Variants in NPEPPS observed in about 807,000 individuals in gnomAD.
NPEPPS encodes aminopeptidase puromycin sensitive.
NPEPPS carries 14 observed loss-of-function variants against 115.5 expected under a neutral mutation model. The ratio of observed to expected loss-of-function variants is 0.12; its 90% confidence interval spans 0.08 to 0.19. The LOEUF (loss-of-function observed/expected upper bound fraction) is 0.19, where lower values mean the gene tolerates loss of function less well. Ranked by LOEUF, NPEPPS falls within the 10% of genes least tolerant of loss-of-function variation. The pLI, the probability that NPEPPS is intolerant of heterozygous loss-of-function variation, is 1.00. For missense variants in NPEPPS, 523 were observed against 1,110.8 expected, an observed-to-expected ratio of 0.47 and a Z score of 7.52; for synonymous variants, 285 against 390.6, an observed-to-expected ratio of 0.73 and a Z score of 3.19.
At chr17:47,562,630 G>A (rs1020013984) in intron 2 of NPEPPS, among the ~76,000 whole-genome samples, 7 of 150,824 alleles carry the variant, frequency 4.6e-5, no homozygotes, top group African/African-American at 1.7e-4. Context: ...GTGTGTGTGT[G>A]TGTATATGTG....
At chr17:47,611,376 T>G (rs752309709) in intron 17 of NPEPPS, among the ~76,000 whole-genome samples, 1 of 151,572 alleles carries the variant, frequency 6.6e-6, no homozygotes, top group Non-Finnish European at 1.5e-5. Flanking sequence ...AGAGAATTGC[T>G]TGAACCTGGG....
At chr17:47,596,652 ACTTG>A (rs755044757) in intron 13 of NPEPPS, among the ~76,000 whole-genome samples, 190 bp downstream of exon 13, 8 of 152,268 alleles carry the variant, frequency 5.3e-5, no homozygotes, top group Non-Finnish European at 7.3e-5. Context: ...ACAAAATGTT[ACTTG>A]CTTGTCTAGT....
chr17:47,548,633 G>A (rs1331037247), intron 2 of NPEPPS, among the ~76,000 whole-genome samples: 5 of 128,846 alleles, frequency 3.9e-5, no homozygotes, highest in East Asian at 4.7e-4. Flanking sequence ...TCGCTCTGTC[G>A]CCAAACGATC....
chr17:47,553,997 G>T (rs1409220291), intron 2 of NPEPPS, among the ~76,000 whole-genome samples: 1 of 150,672 alleles, frequency 6.6e-6, no homozygotes, highest in Non-Finnish European at 1.5e-5. Flanking sequence ...TGATCTGCCC[G>T]CCTCGGCCTC....
chr17:47,558,869 C>T (rs1213120915), intron 2 of NPEPPS, among the ~76,000 whole-genome samples: 1 of 151,990 alleles, frequency 6.6e-6, no homozygotes, highest in Non-Finnish European at 1.5e-5. Flanking sequence ...CCTGTCTCTA[C>T]TAAAAATACA....
At chr17:47,570,724 T>G (rs572611698) in intron 3 of NPEPPS, among the ~76,000 whole-genome samples, 1 of 152,274 alleles carries the variant, frequency 6.6e-6, no homozygotes, top group South Asian at 2.1e-4. Flanking sequence ...AGGAAGAAAA[T>G]GTAAATGACT....
intron 3 of NPEPPS, among the ~76,000 whole-genome samples, chr17:47,577,549 T>C (rs1166213690): frequency 6.6e-5 from 10 of 152,196 alleles, no homozygotes; most frequent in Non-Finnish European, 1.5e-4. Flanking sequence ...TATTCATATA[T>C]ACTGTCCCAG....
At chr17:47,565,855 A>G (rs1910777775) in intron 2 of NPEPPS, among the ~76,000 whole-genome samples, 1 of 152,156 alleles carries the variant, frequency 6.6e-6, no homozygotes. Context: ...AGAGGCCTGA[A>G]TGACATAAAG....
At chr17:47,536,480 C>A (rs139357457) in intron 1 of NPEPPS, among the ~76,000 whole-genome samples, 4,661 of 149,276 alleles carry the variant, frequency 0.031, 101 homozygotes, top group Middle Eastern at 0.08. Context: ...GCAGCCTCTG[C>A]CCCCCCAGGT....
intron 2 of NPEPPS, among the ~76,000 whole-genome samples, chr17:47,550,902 C>T (rs1909602281): frequency 6.6e-6 from 1 of 152,062 alleles, no homozygotes; most frequent in South Asian, 2.1e-4. Context: ...GCTGGGATTA[C>T]CAGGCATGAG....
rs1047809806 is a variant in NPEPPS at position 47,562,732 on chromosome 17, C to T, written c.341-6685C>T. 4.0e-5 allele frequency among the ~76,000 whole-genome samples: 6 copies of T among 149,924 alleles called. No individual in the cohort carries two copies. In the Admixed American group the frequency reaches 4.0e-4, roughly 10 times the overall value. ...TTAAAACCCATTTCATCTGCTAAAT[C>T]GTCCTAGTGAAATACCAACTTTAGT... is the stretch of plus-strand genomic sequence containing the variant. On this transcript the variant is annotated intron_variant, in intron 2 of 22. Transcript: ENST00000322157.
At chr17:47,581,277 A>G (rs1911858288) in intron 4 of NPEPPS, 1 of 152,112 alleles carries the variant, frequency 6.6e-6, no homozygotes, top group East Asian at 1.9e-4. Context: ...TTCACTTTTC[A>G]TTGATTTTTG....
intron 22 of NPEPPS, among the ~76,000 whole-genome samples, chr17:47,620,588 C>T (rs546533005): frequency 2.0e-5 from 3 of 152,082 alleles, no homozygotes; most frequent in East Asian, 1.9e-4. Flanking sequence ...TACTACTCTG[C>T]GATGGAATGG....
At chr17:47,608,550 G>C (rs1313430321) in intron 17 of NPEPPS, among the ~76,000 whole-genome samples, 1 of 151,866 alleles carries the variant, frequency 6.6e-6, no homozygotes. Context: ...AGACAGGAGA[G>C]TTGGTTGAGT....
At chr17:47,590,466 AAAAAG>A (rs950901316) in intron 9 of NPEPPS, among the ~76,000 whole-genome samples, 17 of 151,850 alleles carry the variant, frequency 1.1e-4, no homozygotes, top group Admixed American at 3.3e-4. Flanking sequence ...CAAAAAAAAA[AAAAAG>A]AAAAGAAAGG....
chr17:47,535,549 CAA>C (rs1002859470), intron 1 of NPEPPS, among the ~76,000 whole-genome samples: 3,278 of 88,864 alleles, frequency 0.037, 96 homozygotes, highest in African/African-American at 0.13. Flanking sequence ...GGCTCCGTCT[CAA>C]AAAAAAAAAA....
chr17:47,536,551 G>A (rs532094101), intron 1 of NPEPPS, among the ~76,000 whole-genome samples: 16 of 150,790 alleles, frequency 1.1e-4, no homozygotes, highest in African/African-American at 2.9e-4. Context: ...GCGTCACCAC[G>A]CCCAGCTAAT....
rs926745747 is a variant in NPEPPS at position 47,618,040 on chromosome 17, A to AT, written c.2296-298dup. On this transcript the variant is annotated intron_variant, in intron 19 of 22. Transcript: ENST00000322157. Reference sequence around the variant, plus strand: ...AGGTGGGCACCACCACGCCCGGCTAATTTTTTTTTTTTGTATTTTTAGTAG... The same window carrying AT: ...AGGTGGGCACCACCACGCCCGGCTAATTTTTTTTTTTTTGTATTTTTAGTAG... 3.6e-3 allele frequency among the ~76,000 whole-genome samples: 527 copies of AT among 145,558 alleles called. 4 individuals carry two copies. The highest frequency in any genetic ancestry group is 7.9e-3 in the African/African-American group (314 of 39,866).
rs145082307 is a variant in NPEPPS at position 47,613,665 on chromosome 17, G to A, written c.2239-4G>A. ...TCAAATGACTTATTTTTTGTCCCTT[G>A]TAGGTCTATCTGACTGTTTTGAAGC... On this transcript the variant is annotated splice_polypyrimidine_tract_variant and splice_region_variant and intron_variant, in intron 18 of 22. Coordinates refer to ENST00000322157, the MANE Select transcript of NPEPPS (RefSeq NM_006310.4). The A allele has an allele frequency of 4.4e-6, 7 of 1,606,994 alleles. No individual in the cohort carries two copies. The highest frequency in any genetic ancestry group is 4.3e-6 in the Non-Finnish European group (5 of 1,175,360).
Sources: gnomAD v4.1 joint callset for allele counts (sites outside exome capture counted in the v4.1 genomes callset) on GRCh38, gnomAD v4.1.1 for gene constraint, MANE v1.5 for transcripts, NCBI Gene and HGNC (gene_info 2026-07-23, HGNC 2026-07-21) for gene names.